Variants in ANKRD6 observed in about 807,000 individuals in gnomAD.
The protein encoded by ANKRD6 is ankyrin repeat domain-containing protein 6.
A neutral mutation model predicts 82.3 loss-of-function variants in ANKRD6; 56 were observed. That is an observed-to-expected ratio of 0.68 (90% CI 0.55 to 0.85). ANKRD6 has a LOEUF of 0.85. Among genes scored for constraint, ANKRD6 ranks in the 40% least tolerant of loss-of-function variants. ANKRD6 has a pLI of 0.00. For synonymous variants in ANKRD6, 347 were observed against 352.1 expected (o/e 0.99, Z 0.16); for missense variants, 852 against 907.6 (o/e 0.94, Z 0.79).
At position 89,440,838 on chromosome 6, in the gene ANKRD6, G is replaced by T. The variant is rs1771284514; in HGVS notation, c.-144+7463G>T. Among the ~76,000 whole-genome samples, 3 of 151,964 alleles carry T rather than the reference G, an allele frequency of 2.0e-5. No homozygotes were observed. The South Asian group carries it at 6.2e-4, about 32-fold the overall frequency. ...AAAAAAAAGTTGTACTAGACTAAAG[G>T]TTGGCAAATTATAGCCATGGCCCAA... is the stretch of plus-strand genomic sequence containing the variant. On this transcript the variant is annotated intron_variant, in intron 1 of 15. Transcript: ENST00000339746.
At chr6:89,443,489 C>T (rs1309330208) in intron 1 of ANKRD6, among the ~76,000 whole-genome samples, 1 of 150,984 alleles carries the variant, frequency 6.6e-6, no homozygotes, top group African/African-American at 2.4e-5. Context: ...TTTTTTGAGA[C>T]AGGGTCTCAC....
chr6:89,482,522 C>A (rs777302450), intron 1 of ANKRD6, among the ~76,000 whole-genome samples: 1 of 152,166 alleles, frequency 6.6e-6, no homozygotes, highest in Non-Finnish European at 1.5e-5. Flanking sequence ...TTTGTATCAG[C>A]CACTAAGGAA....
rs141580958 is a variant in ANKRD6, at chr6:89,632,839, T to A, written c.*1835T>A. The A allele has an allele frequency of 2.0e-5, 3 of 152,226 alleles. No individual in the cohort carries two copies. Among genetic ancestry groups the A allele is most frequent in the African/African-American group, 7.2e-5 (3 of 41,460 alleles). The allele number at this position is 152,226 out of a possible 1,614,324, so 9.4% of individuals were successfully genotyped here. A position where few individuals can be genotyped will look rare whatever the true frequency, so the allele number is the denominator to read the frequency against. ...TCAAACAGGATATCACTAACCTCTT[T>A]AGAATCATTCCTCAGTATACATCAA... On this transcript the variant is annotated 3_prime_UTR_variant, in exon 16 of 16. Coordinates refer to ENST00000339746, the MANE Select transcript of ANKRD6 (RefSeq NM_001242809.2).
intron 1 of ANKRD6, among the ~76,000 whole-genome samples, chr6:89,487,725 A>T (rs1396414830): frequency 1.3e-5 from 2 of 152,176 alleles, no homozygotes; most frequent in Non-Finnish European, 2.9e-5. Flanking sequence ...CCTGTGCTTC[A>T]CCTTCTCTCA....
At chr6:89,602,805 G>C (rs1200430560) in intron 3 of ANKRD6, 1 of 529,482 alleles carries the variant, frequency 1.9e-6, no homozygotes, top group Non-Finnish European at 3.4e-6. Context: ...GTCGGCTTAA[G>C]GTCCCCCTCT....
At chr6:89,614,007 G>A in intron 7 of ANKRD6, 117 bp downstream of exon 7, 1 of 997,864 alleles carries the variant, frequency 1.0e-6, no homozygotes, top group Non-Finnish European at 1.5e-6. Context: ...CACCTACCTG[G>A]GACTCAGCCA....
chr6:89,546,817 G>T (rs978478451), intron 1 of ANKRD6, among the ~76,000 whole-genome samples: 3 of 152,006 alleles, frequency 2.0e-5, no homozygotes, highest in African/African-American at 7.2e-5. Flanking sequence ...GGAAAAAATG[G>T]GGAGATGTCC....
chr6:89,451,412 A>G (rs1772801084), intron 1 of ANKRD6, among the ~76,000 whole-genome samples: 1 of 152,218 alleles, frequency 6.6e-6, no homozygotes, highest in Non-Finnish European at 1.5e-5. Flanking sequence ...TAAAGTTTGC[A>G]AAATAAACAG....
chr6:89,439,911 G>A (rs1771152474), intron 1 of ANKRD6, among the ~76,000 whole-genome samples: 1 of 152,136 alleles, frequency 6.6e-6, no homozygotes, highest in South Asian at 2.1e-4. Context: ...TAGCCAGGCT[G>A]CTCTTGAACT....
At chr6:89,616,199 C>T (rs1449076580) in intron 7 of ANKRD6, among the ~76,000 whole-genome samples, 1 of 152,216 alleles carries the variant, frequency 6.6e-6, no homozygotes, top group Non-Finnish European at 1.5e-5. Context: ...AGAACAGAGC[C>T]AAAAGTGGAA....
rs1223502523 is a variant in ANKRD6, at chr6:89,623,475, A to C, written c.963A>C (p.Arg321Ser). The part of the protein sequence containing the change: ...EQAVARKEEA[R>S]EEFLSASPEP... Reference sequence around the variant, plus strand: ...CTGTGGCCAGAAAAGAAGAAGCCAGAGAAGAGTTCCTGTCAGCCTCCCCAG... The same window carrying C: ...CTGTGGCCAGAAAAGAAGAAGCCAGCGAAGAGTTCCTGTCAGCCTCCCCAG... Residue 321 changes from arginine to serine, a missense_variant, in exon 11 of 16, where the codon AGA becomes AGC. By Grantham distance (110) the Arg-to-Ser change is moderately radical. Coordinates refer to ENST00000339746, the MANE Select transcript of ANKRD6 (RefSeq NM_001242809.2). The C allele has an allele frequency of 3.1e-6, 5 of 1,606,214 alleles. No homozygotes were observed. The highest frequency in any genetic ancestry group is 4.3e-6 in the Non-Finnish European group (5 of 1,176,318).
rs763462285 is a variant in ANKRD6 at position 89,627,621 on chromosome 6, T to C, written c.1410T>C (p.Ser470=). The C allele has an allele frequency of 8.7e-6, 14 of 1,613,746 alleles. No individual in the cohort carries two copies. In the Admixed American group the frequency reaches 2.2e-4, roughly 25 times the overall value. ...VLDKLMVERL[S]AERTECLNRL... The stretch of plus-strand genomic sequence containing the variant: ...ACAAGCTGATGGTTGAGCGACTTTC[T>C]GCAGAGAGGACGGAGTGCCTGAACC... The change falls in exon 14 of 16, where the codon TCT becomes TCC. Residue 470 remains serine (S), a synonymous_variant. Transcript: ENST00000339746.
At chr6:89,545,039 C>G (rs1035358442) in intron 1 of ANKRD6, among the ~76,000 whole-genome samples, 1 of 151,720 alleles carries the variant, frequency 6.6e-6, no homozygotes, top group African/African-American at 2.4e-5. Context: ...CGGTGAAACC[C>G]CGTCTCTACT....
In ANKRD6 at chr6:89,531,133, G is replaced by A. The variant is rs539972942; in HGVS notation, c.-143-35701G>A. On this transcript the variant is annotated intron_variant, in intron 1 of 15. Coordinates refer to ENST00000339746, the MANE Select transcript of ANKRD6 (RefSeq NM_001242809.2). ...TGTCTATGGGAAGGAGAGGTGGCTC[G>A]GGGCCTGTGAGCATGCATCCGCCTG... 2.6e-4 allele frequency among the ~76,000 whole-genome samples: 39 copies of A among 152,318 alleles called. No homozygotes were observed. The South Asian group carries it at 7.9e-3, about 31-fold the overall frequency.
intron 7 of ANKRD6, among the ~76,000 whole-genome samples, chr6:89,615,993 T>A (rs567320310): frequency 6.6e-6 from 1 of 152,232 alleles, no homozygotes; most frequent in African/African-American, 2.4e-5. Context: ...TCTTGGTGTT[T>A]CCACCCGCAC....
At chr6:89,521,563 AGAG>A (rs1781891194) in intron 1 of ANKRD6, among the ~76,000 whole-genome samples, 1 of 152,224 alleles carries the variant, frequency 6.6e-6, no homozygotes, top group Non-Finnish European at 1.5e-5. Context: ...TGTTTTTAAA[AGAG>A]AACTGTGGCC....
At chr6:89,538,857 CA>C (rs1390634096) in intron 1 of ANKRD6, among the ~76,000 whole-genome samples, 1 of 151,500 alleles carries the variant, frequency 6.6e-6, no homozygotes, top group African/African-American at 2.4e-5. Context: ...TACTTTCATG[CA>C]AAGAAGAAGA....
In ANKRD6 at chr6:89,631,339, G is replaced by C. The variant is rs140403505; in HGVS notation, c.*335G>C. 4.8e-4 allele frequency: 91 copies of C among 191,564 alleles called. No homozygotes were observed. Among genetic ancestry groups the C allele is most frequent in the Non-Finnish European group, 8.2e-4 (77 of 93,810 alleles). The allele number at this position is 191,564 out of a possible 1,614,324, so 11.9% of individuals were successfully genotyped here. ...TGTAAGCCTAGACTCTAAAATTCAA[G>C]ATGTGTGAAATAATATAAGTCAAAA... On this transcript the variant is annotated 3_prime_UTR_variant, in exon 16 of 16. Coordinates refer to ENST00000339746, the MANE Select transcript of ANKRD6 (RefSeq NM_001242809.2).
At chr6:89,445,810 C>A (rs1468932562) in intron 1 of ANKRD6, among the ~76,000 whole-genome samples, 1 of 151,346 alleles carries the variant, frequency 6.6e-6, no homozygotes, top group Non-Finnish European at 1.5e-5. Flanking sequence ...AAACTCCTGA[C>A]CTCAGGTGAT....
Sources: gnomAD v4.1 joint callset for allele counts (sites outside exome capture counted in the v4.1 genomes callset) on GRCh38, gnomAD v4.1.1 for gene constraint, MANE v1.5 for transcripts, NCBI Gene and HGNC (gene_info 2026-07-23, HGNC 2026-07-21) for gene names.